ITFG1: variants seen among roughly 807,000 people sequenced by gnomAD.
The protein encoded by ITFG1 is T-cell immunomodulatory protein.
ITFG1 carries 34 observed loss-of-function variants against 81.8 expected under a neutral mutation model. The observed-to-expected ratio is 0.42, with a 90% confidence interval of 0.32 to 0.55. The LOEUF (loss-of-function observed/expected upper bound fraction) is 0.55. Among genes scored for constraint, ITFG1 ranks in the 20% least tolerant of loss-of-function variants. The pLI is 0.17. For missense variants in ITFG1, 672 were observed against 755.4 expected (o/e 0.89, Z 1.29); for synonymous variants, 285 against 270.6 (o/e 1.05, Z -0.52).
At chr16:47,335,159 C>T (rs1355307310) in intron 8 of ITFG1, among the ~76,000 whole-genome samples, 8 of 152,084 alleles carry the variant, frequency 5.3e-5, no homozygotes, top group Non-Finnish European at 1.2e-4. Context: ...GAGTTCAAGA[C>T]CAACCTGGCC....
chr16:47,160,629 A>G (rs1372229859), intron 16 of ITFG1, among the ~76,000 whole-genome samples: 2 of 152,152 alleles, frequency 1.3e-5, no homozygotes. Context: ...CAATGATGTC[A>G]TCTTATTCCA....
intron 10 of ITFG1, among the ~76,000 whole-genome samples, chr16:47,298,642 G>A (rs903617068): frequency 7.9e-5 from 12 of 152,196 alleles, no homozygotes; most frequent in Non-Finnish European, 1.8e-4. Flanking sequence ...CTGGGTGGAT[G>A]AAGAAGCCAC....
At chr16:47,157,770 A>G (rs1402429599) in intron 17 of ITFG1, among the ~76,000 whole-genome samples, 1 of 152,228 alleles carries the variant, frequency 6.6e-6, no homozygotes, top group African/African-American at 2.4e-5. Flanking sequence ...ATATGTTAAA[A>G]GAACAAACAC....
intron 12 of ITFG1, among the ~76,000 whole-genome samples, chr16:47,257,450 A>C (rs1300526943): frequency 6.6e-6 from 1 of 152,198 alleles, no homozygotes; most frequent in Non-Finnish European, 1.5e-5. Context: ...TATGACAAAC[A>C]TGGGGGTCAG....
At chr16:47,174,991 C>T (rs1324863333) in intron 14 of ITFG1, among the ~76,000 whole-genome samples, 1 of 152,124 alleles carries the variant, frequency 6.6e-6, no homozygotes, top group African/African-American at 2.4e-5. Flanking sequence ...AAAATTGTTC[C>T]AAGAAGTTGT....
At chr16:47,345,872 C>T (rs1434907151) in intron 8 of ITFG1, among the ~76,000 whole-genome samples, 2 of 152,174 alleles carry the variant, frequency 1.3e-5, no homozygotes, top group East Asian at 1.9e-4. Context: ...ATGCACCCAA[C>T]ATCGGAGCAC....
chr16:47,175,022 C>A (rs573158031), intron 14 of ITFG1, among the ~76,000 whole-genome samples: 2 of 152,202 alleles, frequency 1.3e-5, no homozygotes, highest in African/African-American at 2.4e-5. Context: ...CTGACAGTAA[C>A]AATATCTGAA....
intron 6 of ITFG1, among the ~76,000 whole-genome samples, chr16:47,420,440 T>G (rs1968930634): frequency 1.3e-5 from 2 of 152,158 alleles, no homozygotes; most frequent in African/African-American, 2.4e-5. Context: ...GATGTTGAAG[T>G]GCTGAACTAT....
chr16:47,164,190 T>C (rs1964855557), intron 14 of ITFG1, among the ~76,000 whole-genome samples: 1 of 152,060 alleles, frequency 6.6e-6, no homozygotes, highest in Admixed American at 6.5e-5. Flanking sequence ...CTTTTTTTTT[T>C]TTTTCATGTA....
At chr16:47,199,874 T>C (rs963700892) in intron 14 of ITFG1, among the ~76,000 whole-genome samples, 3 of 152,200 alleles carry the variant, frequency 2.0e-5, no homozygotes, top group Non-Finnish European at 4.4e-5. Context: ...TCATCAGGCA[T>C]TAGATTCTCA....
chr16:47,404,738 C>T (rs1401586233), intron 6 of ITFG1, among the ~76,000 whole-genome samples: 1 of 152,046 alleles, frequency 6.6e-6, no homozygotes, highest in African/African-American at 2.4e-5. Flanking sequence ...AGCATTGTTT[C>T]TGTGACTCAT....
At chr16:47,348,751 AT>A (rs1247261029) in intron 8 of ITFG1, among the ~76,000 whole-genome samples, 1 of 152,208 alleles carries the variant, frequency 6.6e-6, no homozygotes, top group Non-Finnish European at 1.5e-5. Context: ...TCCAAGACAC[AT>A]AATTGTTAGA....
At chr16:47,359,577 A>T (rs1968083325) in intron 8 of ITFG1, among the ~76,000 whole-genome samples, 1 of 152,098 alleles carries the variant, frequency 6.6e-6, no homozygotes, top group Non-Finnish European at 1.5e-5. Flanking sequence ...TTTCCCTCTT[A>T]ACTAGTCCCC....
chr16:47,351,187 C>A (rs918711773), intron 8 of ITFG1, among the ~76,000 whole-genome samples: 4 of 152,156 alleles, frequency 2.6e-5, no homozygotes, highest in Non-Finnish European at 5.9e-5. Flanking sequence ...TAATATTCAA[C>A]ATAGTGTTGG....
intron 8 of ITFG1, among the ~76,000 whole-genome samples, chr16:47,358,897 C>T (rs566519217): frequency 2.5e-3 from 379 of 152,108 alleles, no homozygotes; most frequent in Middle Eastern, 0.014. Flanking sequence ...GAATGAATAC[C>T]ATGTCAGCAA....
At chr16:47,301,405 T>C (rs1231930062) in intron 10 of ITFG1, among the ~76,000 whole-genome samples, 1 of 151,876 alleles carries the variant, frequency 6.6e-6, no homozygotes, top group Non-Finnish European at 1.5e-5. Context: ...TTCTTCTTCT[T>C]CTTCTTTTTT....
intron 16 of ITFG1, 66 bp from the exon 17 acceptor site, chr16:47,159,056 G>A (rs975810322): frequency 1.3e-6 from 1 of 759,998 alleles, no homozygotes; most frequent in Non-Finnish European, 2.1e-6. Context: ...GTTATATTGA[G>A]ACCCCAAAGC....
At chr16:47,348,975 A>G (rs2151580458) in intron 8 of ITFG1, among the ~76,000 whole-genome samples, 1 of 152,346 alleles carries the variant, frequency 6.6e-6, no homozygotes, top group Admixed American at 6.5e-5. Context: ...TCACAAGTGA[A>G]GGAGAAATAA....
chr16:47,156,370 G>A (rs530266888), intron 17 of ITFG1, among the ~76,000 whole-genome samples: 3 of 152,224 alleles, frequency 2.0e-5, no homozygotes, highest in East Asian at 1.9e-4. Flanking sequence ...ACCCAGGAGC[G>A]GAAGTTGCGG....
Sources: gnomAD v4.1 joint callset for allele counts (sites outside exome capture counted in the v4.1 genomes callset) on GRCh38, gnomAD v4.1.1 for gene constraint, MANE v1.5 for transcripts, NCBI Gene and HGNC (gene_info 2026-07-23, HGNC 2026-07-21) for gene names.